The following RNF123 variants were observed in gnomAD, a reference collection of about 807,000 sequenced individuals.
RNF123 encodes E3 ubiquitin-protein ligase RNF123.
Under a neutral mutation model 168.5 loss-of-function variants are expected in RNF123, and 86 were observed. The ratio of observed to expected loss-of-function variants is 0.51; its 90% CI spans 0.43 to 0.61. The LOEUF is 0.61. Among genes scored for constraint, RNF123 ranks in the 20% least tolerant of loss-of-function variants. The pLI is 0.00. For synonymous variants in RNF123, 666 were observed against 689.1 expected (o/e 0.97, Z 0.52); for missense variants, 1,419 against 1,729.7 (o/e 0.82, Z 3.19).
At chr3:49,694,296 C>T (rs993658047) in intron 3 of RNF123, among the ~76,000 whole-genome samples, 1 of 152,236 alleles carries the variant, frequency 6.6e-6, no homozygotes, top group African/African-American at 2.4e-5. Flanking sequence ...GAAACCATCA[C>T]TACCATCAAG....
intron 26 of RNF123, among the ~76,000 whole-genome samples, chr3:49,708,231 TGGG>T (rs1247764950): frequency 1.3e-5 from 2 of 152,240 alleles, no homozygotes; most frequent in African/African-American, 2.4e-5. Flanking sequence ...CCCAAAGTGC[TGGG>T]GTTACAGGCG....
chr3:49,702,299 A>G (rs766337649), intron 18 of RNF123, 35 bp from the exon 19 acceptor site: 8 of 1,611,090 alleles, frequency 5.0e-6, no homozygotes, highest in Admixed American at 3.3e-5. Flanking sequence ...CTGCATTCTC[A>G]GCTCAGCACA....
chr3:49,699,209 G>A lies in RNF123; in HGVS notation c.764+104G>A, dbSNP rs2054326694. On this transcript the variant is annotated intron_variant, in intron 10 of 38. Transcript: ENST00000327697. The surrounding 1 kb of genome is among the most constrained non-coding windows in gnomAD (Gnocchi z 4.8). ...GTGCCATGGGCTGGTGGCAGGCCCT[G>A]GCTGCTGCAGAGTTAGTGGGGGGCC... 6.8e-7 allele frequency: 1 copy of A among 1,466,448 alleles called. No homozygotes were observed. The highest frequency in any genetic ancestry group is 9.2e-7 in the Non-Finnish European group (1 of 1,090,942). 90.8% of individuals were successfully genotyped at this position (1,466,448 alleles called of 1,614,324 possible). A position where few individuals can be genotyped will look rare whatever the true frequency, so the allele number is the denominator to read the frequency against.
chr3:49,719,107 G>GTGTT, intron 35 of RNF123: 2 of 1,613,576 alleles, frequency 1.2e-6, no homozygotes, highest in African/African-American at 1.3e-5. Flanking sequence ...CGCCCGCAAC[G>GTGTT]TGTTAGATGA....
chr3:49,701,947 G>A (rs1219981293), intron 17 of RNF123, 37 bp downstream of exon 17: 3 of 1,554,224 alleles, frequency 1.9e-6, no homozygotes, highest in Non-Finnish European at 2.6e-6. Flanking sequence ...GGTGGGAGGT[G>A]TGTGTGTGCA....
intron 26 of RNF123, among the ~76,000 whole-genome samples, chr3:49,711,853 C>T (rs2108196067): frequency 6.6e-6 from 1 of 152,330 alleles, no homozygotes; most frequent in African/African-American, 2.4e-5. Flanking sequence ...CCACCTTCTC[C>T]TTTGCACTCC....
chr3:49,690,826 T>G (rs1384134573), intron 1 of RNF123, among the ~76,000 whole-genome samples: 1 of 152,218 alleles, frequency 6.6e-6, no homozygotes, highest in African/African-American at 2.4e-5. Flanking sequence ...TTGGTCTGAT[T>G]TCCACAGAGC....
At position 49,701,878 on chromosome 3, in the gene RNF123, G is replaced by T. The variant is rs746733911; in HGVS notation, c.1463G>T (p.Arg488Leu). ...EERLRRRAYE[R>L]GCQRLRKRIE... ...CGGCTGCGGCGGCGAGCCTACGAACGGGGCTGTCAGCGGCTCAGGAAGCGC... is the reference window on the plus strand; with the variant it reads ...CGGCTGCGGCGGCGAGCCTACGAACTGGGCTGTCAGCGGCTCAGGAAGCGC... The change falls in exon 17 of 39, where the codon CGG becomes CTG. Residue 488 changes from arginine to leucine, a missense_variant. This residue lies in a region of RNF123 where 349 missense variants were observed against 344.9 expected (regional missense o/e 1.01). Transcript: ENST00000327697. 1 of 1,565,886 alleles carries T rather than the reference G, an allele frequency of 6.4e-7. No individual in the cohort carries two copies. The highest frequency in any genetic ancestry group is 2.3e-5 in the East Asian group (1 of 43,024).
chr3:49,716,367 C>T (rs550098133), intron 34 of RNF123, 26 bp from the exon 35 acceptor site: 10 of 1,608,300 alleles, frequency 6.2e-6, no homozygotes, highest in Middle Eastern at 1.7e-4. Context: ...GTGGGTGGCT[C>T]ATCTCTTTCC....
chr3:49,694,284 G>A (rs1390076725), intron 3 of RNF123, among the ~76,000 whole-genome samples: 1 of 152,106 alleles, frequency 6.6e-6, no homozygotes, highest in Admixed American at 6.5e-5. Context: ...TATAAAACCC[G>A]TGAAACCATC....
In RNF123 at chr3:49,699,438, G is replaced by A. The variant is rs1262767448; in HGVS notation, c.765-30G>A. On this transcript the variant is annotated intron_variant, in intron 10 of 38. Coordinates refer to ENST00000327697, the MANE Select transcript of RNF123 (RefSeq NM_022064.5). This position sits in a 1 kb window ranked among gnomAD's most constrained non-coding sequence, Gnocchi z 4.8. ...AGGGAGTAGGCATGTCTGAGCCACA[G>A]ATAAGGCGTTGCTGGCTTAACTCTG... 6.5e-7 allele frequency: 1 copy of A among 1,543,676 alleles called. No homozygotes were observed. The highest frequency in any genetic ancestry group is 1.2e-5 in the South Asian group (1 of 85,258).
rs145301034 is a variant in RNF123, at chr3:49,719,323, G to A, written c.3501-1188G>A. 177 of 1,613,128 alleles carry A rather than the reference G, an allele frequency of 1.1e-4. No individual in the cohort carries two copies. The highest frequency in any genetic ancestry group is 1.5e-4 in the Non-Finnish European group (173 of 1,180,016). On this transcript the variant is annotated intron_variant, in intron 35 of 38. Transcript: ENST00000327697. ...TGGCACGTCCTGCAGCCCTAGGCCA[G>A]TGCAGCTTAGCAGGTCGGCAGCGCA...
chr3:49,721,347 C>G lies in RNF123; in HGVS notation c.*42C>G, dbSNP rs74944821. ...CATCCTGGAACCTCCACCTTTGAAC[C>G]CAGAGCCAGGCTGGGCCCTATTTAT... On this transcript the variant is annotated 3_prime_UTR_variant, in exon 39 of 39. Transcript: ENST00000327697. The G allele has an allele frequency of 1.1e-3, 1,803 of 1,613,954 alleles. 24 individuals are homozygous for G. In the African/African-American group the frequency reaches 0.021, roughly 19 times the overall value.
intron 29 of RNF123, 38 bp downstream of exon 29, chr3:49,713,863 G>A (rs571963121): frequency 1.2e-6 from 2 of 1,613,138 alleles, no homozygotes; most frequent in East Asian, 4.5e-5. Context: ...CTGGCCACAA[G>A]CACCATGCCC....
chr3:49,718,164 T>C (rs1336943847), intron 35 of RNF123: 1 of 1,613,180 alleles, frequency 6.2e-7, no homozygotes, highest in Non-Finnish European at 8.5e-7. Context: ...TGCTGAGTAC[T>C]GAGGACTGTG....
intron 35 of RNF123, chr3:49,719,193 G>A (rs1320698835): frequency 2.5e-6 from 4 of 1,613,284 alleles, no homozygotes; most frequent in Non-Finnish European, 3.4e-6. Context: ...TGTGGTCTAG[G>A]TGCAGGGCGC....
At chr3:49,719,298 T>C (rs2080332417) in intron 35 of RNF123, 45 of 1,613,064 alleles carry the variant, frequency 2.8e-5, no homozygotes, top group Non-Finnish European at 3.4e-5. Flanking sequence ...GTAACTCGGC[T>C]GGCACGTCCT....
At position 49,699,466 on chromosome 3, in the gene RNF123, A is replaced by G; in HGVS notation, c.765-2A>G. ...AAGGCGTTGCTGGCTTAACTCTGGC[A>G]CCTACCCAGTGGCAGGCTACCGGCC... is the stretch of plus-strand genomic sequence containing the variant. On this transcript the variant is annotated splice_acceptor_variant, in intron 10 of 38. Coordinates refer to ENST00000327697, the MANE Select transcript of RNF123 (RefSeq NM_022064.5). LOFTEE classifies it high-confidence loss of function. This position sits in a 1 kb window ranked among gnomAD's most constrained non-coding sequence, Gnocchi z 4.8. 1 of 1,595,972 alleles carries G rather than the reference A, an allele frequency of 6.3e-7. No individual in the cohort carries two copies. Among genetic ancestry groups the G allele is most frequent in the African/African-American group, 1.3e-5 (1 of 74,708 alleles).
At chr3:49,700,129 T>C (rs2054349534) in intron 12 of RNF123, 98 bp from the exon 13 acceptor site, 1 of 1,546,338 alleles carries the variant, frequency 6.5e-7, no homozygotes, top group African/African-American at 1.4e-5. Context: ...GGCTCAAGGC[T>C]CTGTGCCTGA....
Sources: allele counts gnomAD v4.1 joint callset (sites outside exome capture counted in the v4.1 genomes callset), GRCh38; gene constraint gnomAD v4.1.1; regional missense constraint gnomAD v4.1.1; non-coding constraint Gnocchi (gnomAD v3.1); transcripts MANE v1.5; gene names NCBI Gene and HGNC (gene_info 2026-07-23, HGNC 2026-07-21).